Variants in CSMD1 observed in about 807,000 individuals in gnomAD.
CSMD1 encodes the protein CUB and Sushi multiple domains 1.
CSMD1 carries 213 observed loss-of-function variants against 417.5 expected under a neutral mutation model. That is an observed-to-expected ratio of 0.51 (90% confidence interval 0.46 to 0.57). The LOEUF (loss-of-function observed/expected upper bound fraction) is 0.57, where lower values mean the gene tolerates loss of function less well. Among genes scored for constraint, CSMD1 ranks in the 20% least tolerant of loss-of-function variants. The pLI is 0.00. For synonymous variants in CSMD1, 2,862 were observed against 1,736.8 expected, an observed-to-expected ratio of 1.65 and a Z score of -16.11; for missense variants, 6,923 against 4,529.7, an observed-to-expected ratio of 1.53 and a Z score of -15.17.
intron 1 of CSMD1, among the ~76,000 whole-genome samples, chr8:4,707,764 G>C (rs994956349): frequency 6.6e-6 from 1 of 151,802 alleles, no homozygotes; most frequent in Non-Finnish European, 1.5e-5. Context: ...GCAGGCGCCT[G>C]TAATCCCAGC....
chr8:3,500,454 A>T (rs1796553434), intron 10 of CSMD1, among the ~76,000 whole-genome samples: 1 of 152,202 alleles, frequency 6.6e-6, no homozygotes, highest in South Asian at 2.1e-4. Context: ...CTAACCACAG[A>T]TGCCACCTAA....
chr8:4,740,551 G>C (rs1023712071), intron 1 of CSMD1, among the ~76,000 whole-genome samples: 1 of 152,036 alleles, frequency 6.6e-6, no homozygotes, highest in Admixed American at 6.6e-5. Context: ...ATGTGAAAAA[G>C]GTATTTTAAA....
At chr8:3,750,615 C>G (rs1433224523) in intron 6 of CSMD1, among the ~76,000 whole-genome samples, 1 of 151,960 alleles carries the variant, frequency 6.6e-6, no homozygotes, top group African/African-American at 2.4e-5. Flanking sequence ...GCTTTTTAAT[C>G]TCGGTATAGA....
rs569614906 is a variant in CSMD1 at position 3,901,434 on chromosome 8, G to C, written c.818+96469C>G. Among the ~76,000 whole-genome samples, 156 of 152,092 alleles carry C rather than the reference G, an allele frequency of 1.0e-3. 2 individuals are homozygous for C. The highest frequency in any genetic ancestry group is 1.1e-3 in the African/African-American group (46 of 41,486). Reference sequence around the variant, plus strand: ...TGAAATCCGTGCTGATGCATTTTTTGGTCTTACTCTAATGACTTCAAATTA... The same window carrying C: ...TGAAATCCGTGCTGATGCATTTTTTCGTCTTACTCTAATGACTTCAAATTA... On this transcript the variant is annotated intron_variant, in intron 5 of 69. Transcript: ENST00000635120.
At chr8:3,123,196 C>A (rs998710819) in intron 41 of CSMD1, among the ~76,000 whole-genome samples, 1 of 152,194 alleles carries the variant, frequency 6.6e-6, no homozygotes, top group African/African-American at 2.4e-5. Context: ...TTCTCTGACA[C>A]ACACACCCCT....
At chr8:4,912,242 C>A (rs1218485418) in intron 1 of CSMD1, among the ~76,000 whole-genome samples, 1 of 151,940 alleles carries the variant, frequency 6.6e-6, no homozygotes, top group Non-Finnish European at 1.5e-5. Context: ...AGAGCTACCA[C>A]TGAAATTATT....
At chr8:4,795,141 G>T (rs1375749426) in intron 1 of CSMD1, among the ~76,000 whole-genome samples, 1 of 151,260 alleles carries the variant, frequency 6.6e-6, no homozygotes, top group Non-Finnish European at 1.5e-5. Context: ...GACAGAAACT[G>T]GTAAAGACGT....
At chr8:3,223,692 A>G in intron 28 of CSMD1, 37 bp downstream of exon 28, 1 of 1,605,484 alleles carries the variant, frequency 6.2e-7, no homozygotes, top group Non-Finnish European at 8.5e-7. Flanking sequence ...GGAATTAAAA[A>G]TCCTACTAAA....
intron 7 of CSMD1, among the ~76,000 whole-genome samples, chr8:3,707,197 A>G (rs987845131): frequency 1.3e-5 from 2 of 152,204 alleles, no homozygotes; most frequent in African/African-American, 4.8e-5. Flanking sequence ...AGGTCAATCT[A>G]TAGTATCGTT....
intron 7 of CSMD1, among the ~76,000 whole-genome samples, chr8:3,667,837 G>A (rs907763604): frequency 6.6e-6 from 1 of 152,166 alleles, no homozygotes; most frequent in Admixed American, 6.5e-5. Flanking sequence ...AGGCATCCTG[G>A]AGTGTCTGTA....
intron 5 of CSMD1, among the ~76,000 whole-genome samples, chr8:3,933,469 C>A (rs1038705196): frequency 6.6e-6 from 1 of 152,052 alleles, no homozygotes; most frequent in Non-Finnish European, 1.5e-5. Context: ...TCACTCCCAC[C>A]CACTCAACCC....
chr8:3,843,196 T>G, intron 5 of CSMD1, among the ~76,000 whole-genome samples: 1 of 152,182 alleles, frequency 6.6e-6, no homozygotes, highest in East Asian at 1.9e-4. Flanking sequence ...TTTGTTTCCT[T>G]GAAAACCTTG....
intron 5 of CSMD1, among the ~76,000 whole-genome samples, chr8:3,970,529 T>G (rs1813006996): frequency 6.6e-6 from 1 of 152,124 alleles, no homozygotes; most frequent in Non-Finnish European, 1.5e-5. Context: ...GGAGGACGAT[T>G]AAGGACCCTG....
At chr8:3,176,430 CA>C (rs1191886515) in intron 37 of CSMD1, among the ~76,000 whole-genome samples, 2 of 151,130 alleles carry the variant, frequency 1.3e-5, no homozygotes, top group African/African-American at 2.4e-5. Flanking sequence ...AGTGTGCATT[CA>C]AAAAAAACTT....
chr8:4,398,183 C>G lies in CSMD1; in HGVS notation c.415+21770G>C, dbSNP rs1029372336. Among the ~76,000 whole-genome samples, 14 of 152,214 alleles carry G rather than the reference C, an allele frequency of 9.2e-5. No homozygotes were observed. In the East Asian group the frequency reaches 2.7e-3, roughly 30 times the overall value. On this transcript the variant is annotated intron_variant, in intron 3 of 69. Transcript: ENST00000635120. The stretch of plus-strand genomic sequence containing the variant: ...TGACAAGTTTCCTGACAACAGAACT[C>G]CAAGTAGCTGAGAATGTAGAAGGAT...
intron 2 of CSMD1, among the ~76,000 whole-genome samples, chr8:4,630,289 C>T (rs1425660666): frequency 6.6e-6 from 1 of 150,502 alleles, no homozygotes; most frequent in African/African-American, 2.4e-5. Flanking sequence ...CACACACACA[C>T]ACACACACAC....
At chr8:3,839,167 CTCTA>C (rs1183488969) in intron 5 of CSMD1, among the ~76,000 whole-genome samples, 1 of 125,004 alleles carries the variant, frequency 8.0e-6, no homozygotes, top group African/African-American at 3.0e-5. Flanking sequence ...TAGTCCCTCT[CTCTA>C]TATATTTATA....
intron 3 of CSMD1, among the ~76,000 whole-genome samples, chr8:4,216,634 C>A (rs1418614433): frequency 1.3e-5 from 2 of 152,192 alleles, no homozygotes; most frequent in Admixed American, 1.3e-4. Flanking sequence ...CTGGGCCTCA[C>A]AGCCCTGTGT....
At chr8:4,079,680 T>G (rs750818454) in intron 3 of CSMD1, among the ~76,000 whole-genome samples, 1 of 152,232 alleles carries the variant, frequency 6.6e-6, no homozygotes, top group Non-Finnish European at 1.5e-5. Context: ...TCACATTAAT[T>G]TATTCCTGTA....
Sources: gnomAD v4.1 joint callset for allele counts (sites outside exome capture counted in the v4.1 genomes callset) on GRCh38, gnomAD v4.1.1 for gene constraint, MANE v1.5 for transcripts, NCBI Gene and HGNC (gene_info 2026-07-23, HGNC 2026-07-21) for gene names.